The following NGEF variants were observed in gnomAD, a reference collection of about 807,000 sequenced individuals.
NGEF encodes the protein ephexin-1.
Under a neutral mutation model 80.9 loss-of-function variants are expected in NGEF, and 31 were observed. That is an observed-to-expected ratio of 0.38 (90% confidence interval 0.29 to 0.52). The LOEUF (loss-of-function observed/expected upper bound fraction) is 0.52. Among genes scored for constraint, NGEF ranks in the 20% least tolerant of loss-of-function variants. The probability of loss-of-function intolerance (pLI) is 0.84; values close to 1 mark genes in which losing one functional copy is unlikely to be tolerated. For synonymous variants in NGEF, 371 were observed against 370.2 expected (o/e 1.00, Z -0.03); for missense variants, 709 against 926.2 (o/e 0.77, Z 3.04).
intron 5 of NGEF, among the ~76,000 whole-genome samples, chr2:232,899,091 A>G (rs897081638): frequency 2.0e-5 from 3 of 151,592 alleles, no homozygotes; most frequent in Admixed American, 2.0e-4. Context: ...GAATGTGTAA[A>G]TGAGTATGTA....
intron 1 of NGEF, among the ~76,000 whole-genome samples, chr2:232,993,108 T>TAA (rs1694685774): frequency 4.4e-5 from 1 of 22,922 alleles, no homozygotes; most frequent in South Asian, 6.0e-3. Flanking sequence ...AATAAATAAA[T>TAA]ATATATATAT....
chr2:232,888,243 C>T (rs1016050721), intron 8 of NGEF, 136 bp from the exon 9 acceptor site: 27 of 634,244 alleles, frequency 4.3e-5, no homozygotes, highest in South Asian at 3.4e-4. Flanking sequence ...CACACGCACG[C>T]ACGCACACGC....
At chr2:232,959,138 T>A (rs1693893120) in intron 3 of NGEF, among the ~76,000 whole-genome samples, 1 of 152,210 alleles carries the variant, frequency 6.6e-6, no homozygotes, top group Non-Finnish European at 1.5e-5. Flanking sequence ...TTGATATTTC[T>A]TCAGTCTCTT....
At position 232,879,426 on chromosome 2, in the gene NGEF, C is replaced by CAA. The variant is rs1460032172; in HGVS notation, c.*62_*63insTT. ...CTGGCCTGTGCTTCCCAGAGCCCCC[C>CAA]CCCCCCCACCTTCTGTCGGGGTCTC... On this transcript the variant is annotated 3_prime_UTR_variant, in exon 15 of 15. Transcript: ENST00000264051. 16 of 1,435,380 alleles carry CAA rather than the reference C, an allele frequency of 1.1e-5. 1 individual carries two copies. The South Asian group carries it at 2.2e-4, about 20-fold the overall frequency. The allele number at this position is 1,435,380 out of a possible 1,614,324, so 88.9% of individuals were successfully genotyped here.
chr2:232,884,053 G>C lies in NGEF; in HGVS notation c.1529C>G (p.Thr510Ser). ...SGPKTSRTLR[T>S]KKLFHEIYLF... is the part of the protein sequence containing the mutation. ...GTAAATTTCGTGGAAGAGCTTCTTG[G>C]TCCTCAGGGTCCGGGAGGTCTTGGG... Residue 510 changes from threonine to serine, a missense_variant, in exon 11 of 15, where the codon ACC (threonine) becomes AGC (serine). By Grantham distance (58) the Thr-to-Ser change is moderately conservative. Coordinates refer to ENST00000264051, the MANE Select transcript of NGEF (RefSeq NM_019850.3). 6.2e-7 allele frequency: 1 copy of C among 1,612,968 alleles called. No homozygotes were observed. The highest frequency in any genetic ancestry group is 8.5e-7 in the Non-Finnish European group (1 of 1,179,710).
In NGEF at chr2:232,892,903, C is replaced by T. The variant is rs1313898816; in HGVS notation, c.1137G>A (p.Gln379=). Residue 379 remains glutamine (Q), a synonymous_variant, in exon 7 of 15, where the codon CAG becomes CAA. Transcript: ENST00000264051. This position sits in a 1 kb window ranked among gnomAD's most constrained non-coding sequence, Gnocchi z 4.0. ...NQTYQERTYK[Q]LLQEKAAFRE... ...CCCTTGCCGGATACACTCACAGCAG[C>T]TGCTTATAGGTCCGCTCCTGGTAGG... The T allele has an allele frequency of 2.5e-6, 4 of 1,612,918 alleles. No individual in the cohort carries two copies. The highest frequency in any genetic ancestry group is 3.4e-6 in the Non-Finnish European group (4 of 1,179,642).
intron 4 of NGEF, among the ~76,000 whole-genome samples, chr2:232,922,722 G>A (rs1692971435): frequency 6.6e-6 from 1 of 152,228 alleles, no homozygotes; most frequent in Non-Finnish European, 1.5e-5. Flanking sequence ...AATGCATAGT[G>A]CAGCGTCTCC....
chr2:232,957,508 A>G (rs1006025459), intron 3 of NGEF, among the ~76,000 whole-genome samples: 19 of 152,180 alleles, frequency 1.2e-4, no homozygotes, highest in African/African-American at 4.6e-4. Flanking sequence ...TTTTTAGTAG[A>G]GACAGAGTTT....
intron 3 of NGEF, among the ~76,000 whole-genome samples, chr2:232,932,769 C>T (rs1323716922): frequency 1.3e-5 from 2 of 151,996 alleles, no homozygotes; most frequent in Non-Finnish European, 1.5e-5. Context: ...TATCCTCATG[C>T]GTTAGAAAGA....
intron 5 of NGEF, among the ~76,000 whole-genome samples, chr2:232,913,862 G>C (rs1692739080): frequency 6.6e-6 from 1 of 152,198 alleles, no homozygotes; most frequent in African/African-American, 2.4e-5. Flanking sequence ...AGAGGTTGCA[G>C]TGAGCCGAGA....
Position 232,892,480 on chromosome 2 carries a change from G to C in NGEF, c.1142+418C>G, listed in dbSNP as rs893473389. Reference sequence around the variant, plus strand: ...AGCAATCAATGCCCCGGCGCTGCTGGAGGAGCCCCACCGAGGCTCCTTCCC... The same window carrying C: ...AGCAATCAATGCCCCGGCGCTGCTGCAGGAGCCCCACCGAGGCTCCTTCCC... On this transcript the variant is annotated intron_variant, in intron 7 of 14. Transcript: ENST00000264051. The surrounding 1 kb of genome is among the most constrained non-coding windows in gnomAD (Gnocchi z 4.0). Among the ~76,000 whole-genome samples, 8 of 152,088 alleles carry C rather than the reference G, an allele frequency of 5.3e-5. No individual in the cohort carries two copies. The highest frequency in any genetic ancestry group is 5.2e-4 in the Admixed American group (8 of 15,282).
At chr2:233,000,533 G>A (rs1248254562) in intron 1 of NGEF, among the ~76,000 whole-genome samples, 2 of 152,116 alleles carry the variant, frequency 1.3e-5, no homozygotes, top group African/African-American at 4.8e-5. Context: ...CGAGGCGGGT[G>A]GATCACGAGG....
At position 232,988,036 on chromosome 2, in the gene NGEF, CGTGTGTGTGTGT is replaced by C. The variant is rs57143286; in HGVS notation, c.-74-13084_-74-13073del. 1.5e-3 allele frequency among the ~76,000 whole-genome samples: 208 copies of C among 140,356 alleles called. 2 individuals carry two copies. Among genetic ancestry groups the C allele is most frequent in the African/African-American group, 4.6e-3 (176 of 38,350 alleles). 92.1% of individuals were successfully genotyped at this position (140,356 alleles called of 152,430 possible). The stretch of plus-strand genomic sequence containing the variant: ...GTCACCCTTCTGGAAGGGATGGTCT[CGTGTGTGTGTGT>C]GTGTGTGTGTGTGTGTGTGTGTGTG... On this transcript the variant is annotated intron_variant, in intron 1 of 14. Transcript: ENST00000264051.
chr2:232,952,750 C>T (rs1261336080), intron 3 of NGEF, among the ~76,000 whole-genome samples: 1 of 146,304 alleles, frequency 6.8e-6, no homozygotes, highest in Non-Finnish European at 1.5e-5. Context: ...GGCGGATCAC[C>T]TGAGGTCAGG....
chr2:232,988,130 G>A (rs957987930), intron 1 of NGEF, among the ~76,000 whole-genome samples: 1 of 151,602 alleles, frequency 6.6e-6, no homozygotes, highest in African/African-American at 2.4e-5. Flanking sequence ...ACCGCTGTGC[G>A]CAGCTGGTGG....
intron 3 of NGEF, among the ~76,000 whole-genome samples, chr2:232,944,938 G>C (rs931653426): frequency 6.6e-6 from 1 of 151,616 alleles, no homozygotes; most frequent in African/African-American, 2.4e-5. Context: ...TTTTAGTAGG[G>C]ACAGGGTTTC....
intron 5 of NGEF, among the ~76,000 whole-genome samples, chr2:232,919,368 G>A (rs1343423086): frequency 6.6e-6 from 1 of 152,172 alleles, no homozygotes; most frequent in Non-Finnish European, 1.5e-5. Flanking sequence ...GAGTGCGGTG[G>A]GAGTGAGACG....
chr2:232,959,566 C>T (rs897017099), intron 3 of NGEF, among the ~76,000 whole-genome samples: 1 of 148,996 alleles, frequency 6.7e-6, no homozygotes, highest in Non-Finnish European at 1.5e-5. Flanking sequence ...ATGGGCGATT[C>T]CACAGCAATG....
intron 13 of NGEF, among the ~76,000 whole-genome samples, chr2:232,881,824 G>A (rs1291305527): frequency 6.6e-6 from 1 of 152,138 alleles, no homozygotes; most frequent in African/African-American, 2.4e-5. Context: ...TGATCCACCC[G>A]CCTCGGCCTC....
Sources: allele counts gnomAD v4.1 joint callset (sites outside exome capture counted in the v4.1 genomes callset), GRCh38; gene constraint gnomAD v4.1.1; non-coding constraint Gnocchi (gnomAD v3.1); transcripts MANE v1.5; gene names NCBI Gene and HGNC (gene_info 2026-07-23, HGNC 2026-07-21).